The following SEMA4G variants were observed in gnomAD, a reference collection of about 807,000 sequenced individuals.
SEMA4G encodes the protein semaphorin-4G.
A neutral mutation model predicts 81.2 loss-of-function variants in SEMA4G; 59 were observed. The ratio of observed to expected loss-of-function variants is 0.73; its 90% CI spans 0.59 to 0.90. The LOEUF is 0.90. Ranked by LOEUF, SEMA4G falls within the 40% of genes least tolerant of loss-of-function variation. SEMA4G has a pLI of 0.00. For missense variants in SEMA4G, 952 were observed against 1,102.3 expected (o/e 0.86, Z 1.93); for synonymous variants, 404 against 433.9 (o/e 0.93, Z 0.86).
chr10:100,976,594 G>C lies in SEMA4G; in HGVS notation c.337-1038G>C, dbSNP rs537947391. ...CCACCTCAGCCTCCCAAAGTGCTGG[G>C]ATTACAGGTGTGAGCCACCACACCT... On this transcript the variant is annotated intron_variant, in intron 3 of 13. Coordinates refer to ENST00000370250, the Ensembl canonical transcript of SEMA4G. Among the ~76,000 whole-genome samples, 9 of 152,272 alleles carry C rather than the reference G, an allele frequency of 5.9e-5. No homozygotes were observed. The East Asian group carries it at 1.7e-3, about 29-fold the overall frequency.
chr10:100,973,372 G>A lies in SEMA4G; in HGVS notation c.273+95G>A, dbSNP rs1589978958. 2 of 1,516,360 alleles carry A rather than the reference G, an allele frequency of 1.3e-6. No homozygotes were observed. Among genetic ancestry groups the A allele is most frequent in the East Asian group, 4.7e-5 (2 of 42,580 alleles). 93.9% of individuals were successfully genotyped at this position (1,516,360 alleles called of 1,614,324 possible). A position where few individuals can be genotyped will look rare whatever the true frequency, so the allele number is the denominator to read the frequency against. On this transcript the variant is annotated intron_variant, in intron 2 of 13. Coordinates refer to ENST00000370250, the Ensembl canonical transcript of SEMA4G. The surrounding 1 kb of genome is among the most constrained non-coding windows in gnomAD (Gnocchi z 5.5). ...CTTAAAACCCTGCCAGCCTTCCATA[G>A]CCCCCTGGTCAGACAGCACTGCCCT...
chr10:100,978,903 G>A, exon 7 of SEMA4G: 2 of 1,614,236 alleles, frequency 1.2e-6, no homozygotes, highest in Non-Finnish European at 1.7e-6. Context: ...AGTGCAGTGG[G>A]TGATGATGAC....
chr10:100,985,173 G>A, downstream of SEMA4G: 1 of 362,598 alleles, frequency 2.8e-6, no homozygotes, highest in Non-Finnish European at 5.0e-6. Context: ...ACTACAGCAG[G>A]GAAAGGGAGG....
Position 100,980,462 on chromosome 10 carries a change from G to A in SEMA4G, c.1352-116G>A. 5 of 1,342,902 alleles carry A rather than the reference G, an allele frequency of 3.7e-6. No individual in the cohort carries two copies. In the South Asian group the frequency reaches 6.0e-5, roughly 16 times the overall value. The allele number at this position is 1,342,902 out of a possible 1,614,324, so 83.2% of individuals were successfully genotyped here. A position where few individuals can be genotyped will look rare whatever the true frequency, so the allele number is the denominator to read the frequency against. On this transcript the variant is annotated intron_variant, in intron 10 of 13. Transcript: ENST00000370250. ...AGTGTCCTGAGGGTCCACTGCTCCT[G>A]GCTGAGTCCTTGTTCTGGACCTCAG...
chr10:100,981,009 TG>T lies in SEMA4G; in HGVS notation c.1628+33del, dbSNP rs758027922. ...TCCCAGGGAAGCAGGTGGGAAGTGG[TG>T]GGGGGTGACAGTCACATGTGGTCTG... On this transcript the variant is annotated intron_variant, in intron 12 of 13. Transcript: ENST00000370250. 2 of 1,591,566 alleles carry T rather than the reference TG, an allele frequency of 1.3e-6. No individual in the cohort carries two copies.
At position 100,979,098 on chromosome 10, in the gene SEMA4G, C is replaced by T; in HGVS notation, c.814-4C>T. On this transcript the variant is annotated splice_polypyrimidine_tract_variant and splice_region_variant and intron_variant, in intron 7 of 13. Transcript: ENST00000370250. ...CCCCTTATCCCGTGCCTCTACCTCC[C>T]CAGGGAGACCTGGGAGGGAAGAAGA... The T allele has an allele frequency of 6.2e-7, 1 of 1,613,948 alleles. No individual in the cohort carries two copies. The highest frequency in any genetic ancestry group is 1.7e-5 in the Admixed American group (1 of 60,022).
intron 13 of SEMA4G, among the ~76,000 whole-genome samples, chr10:100,982,618 CCT>C (rs1437327824): frequency 1.3e-5 from 2 of 152,144 alleles, no homozygotes; most frequent in South Asian, 2.1e-4. Flanking sequence ...ATGGTGAAAC[CCT>C]GTCTCTACTA....
rs1850992040 is a variant in SEMA4G at position 100,980,103 on chromosome 10, C to T, written c.1129-19C>T. The T allele has an allele frequency of 1.9e-6, 3 of 1,613,922 alleles. No individual in the cohort carries two copies. The highest frequency in any genetic ancestry group is 2.5e-6 in the Non-Finnish European group (3 of 1,179,782). On this transcript the variant is annotated intron_variant, in intron 9 of 13. Transcript: ENST00000370250. ...GGTGGTGGAGTCCCGAGGTTCACCA[C>T]CTTCGTCCCCCACGCCAGTGTATCA...
upstream of SEMA4G, among the ~76,000 whole-genome samples, chr10:100,972,212 G>A (rs544420612): frequency 2.1e-3 from 325 of 152,284 alleles, no homozygotes; most frequent in Non-Finnish European, 4.2e-3. Context: ...ATTGTTGGGA[G>A]AAGCAGGCAT....
exon 1 of SEMA4G, chr10:100,972,642 T>G: frequency 7.3e-6 from 3 of 410,632 alleles, no homozygotes; most frequent in Admixed American, 4.2e-5. Flanking sequence ...GGAGTTTGCA[T>G]TTGATGCAGA....
At chr10:100,979,979 C>A in exon 9 of SEMA4G, 1 of 1,614,078 alleles carries the variant, frequency 6.2e-7, no homozygotes, top group Non-Finnish European at 8.5e-7. Flanking sequence ...GTGCCTGAGC[C>A]CCGGCCTGGC....
At chr10:100,984,364 G>T in exon 14 of SEMA4G, 1 of 1,444,854 alleles carries the variant, frequency 6.9e-7, no homozygotes, top group Non-Finnish European at 9.1e-7. Context: ...AGAGGTAGGT[G>T]CTCCCTCAGG....
chr10:100,983,230 G>T, intron 13 of SEMA4G, 75 bp from the exon 15 acceptor site: 1 of 1,438,080 alleles, frequency 7.0e-7, no homozygotes, highest in Non-Finnish European at 9.2e-7. Flanking sequence ...GGACTTGGCA[G>T]TGAACAGTCT....
chr10:100,984,592 A>C lies in SEMA4G; in HGVS notation c.*461A>C. 1.3e-6 allele frequency: 2 copies of C among 1,536,170 alleles called. 1 individual carries two copies. Among genetic ancestry groups the C allele is most frequent in the East Asian group, 4.9e-5 (2 of 40,920 alleles). On this transcript the variant is annotated 3_prime_UTR_variant, in exon 14 of 14. Transcript: ENST00000370250. ...AGACAAGACCTCTGCCAGCCACCTA[A>C]GCCCTGCGTACATTCACATGCACAC...
upstream of SEMA4G, among the ~76,000 whole-genome samples, chr10:100,971,185 T>C (rs1589977241): frequency 6.6e-6 from 1 of 152,084 alleles, no homozygotes; most frequent in Middle Eastern, 3.4e-3. Context: ...CATGTGACTC[T>C]TAAACTATAA....
rs555072971 is a variant in SEMA4G, at chr10:100,977,558, C to T, written c.337-74C>T. Reference sequence around the variant, plus strand: ...CCTGTGGGTGGGGGCAAGAGCCAAACTACAAAGCTAGACTAATGGAGGAGG... The same window carrying T: ...CCTGTGGGTGGGGGCAAGAGCCAAATTACAAAGCTAGACTAATGGAGGAGG... On this transcript the variant is annotated intron_variant, in intron 3 of 13. Transcript: ENST00000370250. The T allele has an allele frequency of 5.6e-6, 7 of 1,242,038 alleles. No individual in the cohort carries two copies. The Admixed American group carries it at 1.0e-4, about 18-fold the overall frequency. The allele number at this position is 1,242,038 out of a possible 1,614,324, so 76.9% of individuals were successfully genotyped here.
intron 12 of SEMA4G, 44 bp downstream of exon 13, chr10:100,981,041 A>T (rs761268008): frequency 1.6e-5 from 25 of 1,595,970 alleles, no homozygotes; most frequent in Non-Finnish European, 2.1e-5. Flanking sequence ...GTCTGAGTGG[A>T]GGAGGAAGGC....
At chr10:100,983,612 G>A (rs749431067) in exon 14 of SEMA4G, 4 of 1,613,940 alleles carry the variant, frequency 2.5e-6, no homozygotes, top group Non-Finnish European at 3.4e-6. Flanking sequence ...CCACACCTGG[G>A]GCACAGCTGG....
At chr10:100,985,448 T>G (rs547453410), downstream of SEMA4G, 3 of 152,698 alleles carry the variant, frequency 2.0e-5, no homozygotes, top group African/African-American at 7.2e-5. Context: ...TCACCCAACC[T>G]CTCCCACCTC....
Sources: allele counts gnomAD v4.1 joint callset (sites outside exome capture counted in the v4.1 genomes callset), GRCh38; gene constraint gnomAD v4.1.1; non-coding constraint Gnocchi (gnomAD v3.1); transcripts MANE v1.5; gene names NCBI Gene and HGNC (gene_info 2026-07-23, HGNC 2026-07-21).